Variants in KCND2 observed in about 807,000 individuals in gnomAD.
The protein encoded by KCND2 is potassium voltage-gated channel subfamily D member 2, also known as A-type voltage-gated potassium channel KCND2.
Under a neutral mutation model 54.4 loss-of-function variants are expected in KCND2, and 16 were observed. That is an observed-to-expected ratio of 0.29 (90% confidence interval 0.20 to 0.45). The LOEUF is 0.45. Ranked by LOEUF, KCND2 falls within the 20% of genes least tolerant of loss-of-function variation. The probability of loss-of-function intolerance (pLI) is 1.00; values close to 1 mark genes in which losing one functional copy is unlikely to be tolerated. For missense variants in KCND2, 486 were observed against 824.2 expected (o/e 0.59, Z 5.02); for synonymous variants, 317 against 310.7 (o/e 1.02, Z -0.21).
At chr7:120,666,276 G>T (rs1791925989) in intron 1 of KCND2, among the ~76,000 whole-genome samples, 1 of 151,944 alleles carries the variant, frequency 6.6e-6, no homozygotes, top group African/African-American at 2.4e-5. Flanking sequence ...TGAAAAGCAG[G>T]AATAAAGAGA....
intron 1 of KCND2, among the ~76,000 whole-genome samples, chr7:120,499,705 A>G (rs747251600): frequency 5.3e-5 from 8 of 152,172 alleles, no homozygotes; most frequent in Non-Finnish European, 8.8e-5. Context: ...AAGATCCAGC[A>G]TACATGTCAT....
chr7:120,523,726 GTGTGTGTGTGTGTGTGTGTGTA>G (rs1040316031), intron 1 of KCND2, among the ~76,000 whole-genome samples: 4 of 147,198 alleles, frequency 2.7e-5, no homozygotes, highest in African/African-American at 1.0e-4. Context: ...GTGTGTGTGT[GTGTGTGTGTGTGTGTGTGTGTA>G]TGTCTTTGGC....
chr7:120,594,135 A>G (rs990575035), intron 1 of KCND2, among the ~76,000 whole-genome samples: 2 of 152,178 alleles, frequency 1.3e-5, no homozygotes, highest in Admixed American at 1.3e-4. Flanking sequence ...CATCTGATAA[A>G]CTCTTTTCAA....
chr7:120,291,895 A>G (rs981032873), intron 1 of KCND2, among the ~76,000 whole-genome samples: 5 of 151,918 alleles, frequency 3.3e-5, no homozygotes, highest in African/African-American at 1.2e-4. Context: ...TTGCAATGAC[A>G]TTTGAACCTG....
At chr7:120,639,408 A>G (rs1469197467) in intron 1 of KCND2, among the ~76,000 whole-genome samples, 1 of 152,174 alleles carries the variant, frequency 6.6e-6, no homozygotes, top group Non-Finnish European at 1.5e-5. Context: ...GGTTTCCTCC[A>G]AAAGACATGA....
chr7:120,618,833 T>C (rs1032712949), intron 1 of KCND2, among the ~76,000 whole-genome samples: 3 of 152,172 alleles, frequency 2.0e-5, no homozygotes, highest in Non-Finnish European at 4.4e-5. Flanking sequence ...TTTTTAAATT[T>C]TTTTCAATTT....
intron 1 of KCND2, among the ~76,000 whole-genome samples, chr7:120,606,190 C>G (rs1362014236): frequency 3.3e-5 from 5 of 152,112 alleles, no homozygotes. Context: ...TCTCAAGTGG[C>G]AGTATGAAAA....
At chr7:120,542,759 A>T (rs1791994465) in intron 1 of KCND2, among the ~76,000 whole-genome samples, 1 of 152,174 alleles carries the variant, frequency 6.6e-6, no homozygotes, top group South Asian at 2.1e-4. Flanking sequence ...ACCTGAGCAC[A>T]TGGCTTGGAA....
chr7:120,582,942 C>G lies in KCND2; in HGVS notation c.1116-149961C>G, dbSNP rs902842272. 3.1e-3 allele frequency among the ~76,000 whole-genome samples: 390 copies of G among 125,120 alleles called. 3 individuals are homozygous for G. The highest frequency in any genetic ancestry group is 0.01 in the African/African-American group (367 of 36,172). 82.1% of individuals were successfully genotyped at this position (125,120 alleles called of 152,430 possible). ...CTCATCCTATCTGGTTTGCATTGCTCTGTGTGTGTGTATGTGTGTGTGTGT... is the reference window on the plus strand; with the variant it reads ...CTCATCCTATCTGGTTTGCATTGCTGTGTGTGTGTGTATGTGTGTGTGTGT... On this transcript the variant is annotated intron_variant, in intron 1 of 5. Transcript: ENST00000331113.
At chr7:120,360,976 A>T (rs1377310999) in intron 1 of KCND2, among the ~76,000 whole-genome samples, 1 of 152,140 alleles carries the variant, frequency 6.6e-6, no homozygotes, top group Non-Finnish European at 1.5e-5. Flanking sequence ...GCAATATAGT[A>T]TATATTTGTT....
At chr7:120,644,300 A>G (rs1169261334) in intron 1 of KCND2, among the ~76,000 whole-genome samples, 1 of 152,150 alleles carries the variant, frequency 6.6e-6, no homozygotes, top group Non-Finnish European at 1.5e-5. Flanking sequence ...CTGGTCTCAT[A>G]CTAGAACTCA....
At chr7:120,347,111 T>C (rs1288813294) in intron 1 of KCND2, among the ~76,000 whole-genome samples, 1 of 152,166 alleles carries the variant, frequency 6.6e-6, no homozygotes, top group Non-Finnish European at 1.5e-5. Flanking sequence ...CTTCACGCTG[T>C]TTTGAATAAG....
At chr7:120,689,728 T>C (rs1451300016) in intron 1 of KCND2, among the ~76,000 whole-genome samples, 2 of 152,234 alleles carry the variant, frequency 1.3e-5, no homozygotes, top group Non-Finnish European at 2.9e-5. Flanking sequence ...GCCCAGTTCC[T>C]TTTGCAGTCC....
chr7:120,564,900 C>T (rs1004573168), intron 1 of KCND2, among the ~76,000 whole-genome samples: 1 of 152,266 alleles, frequency 6.6e-6, no homozygotes, highest in East Asian at 1.9e-4. Flanking sequence ...AGTATCCTCT[C>T]CATGAAATAT....
intron 1 of KCND2, among the ~76,000 whole-genome samples, chr7:120,604,947 C>A (rs1158595748): frequency 6.6e-6 from 1 of 152,138 alleles, no homozygotes; most frequent in Admixed American, 6.5e-5. Flanking sequence ...TTGTAATTTT[C>A]TCCTCTCCTG....
At chr7:120,282,123 T>C (rs1243602954) in intron 1 of KCND2, among the ~76,000 whole-genome samples, 1 of 152,126 alleles carries the variant, frequency 6.6e-6, no homozygotes, top group East Asian at 1.9e-4. Flanking sequence ...AGATGCTTCA[T>C]GATATAGGTG....
chr7:120,502,514 C>G (rs1802951461), intron 1 of KCND2, among the ~76,000 whole-genome samples: 1 of 152,062 alleles, frequency 6.6e-6, no homozygotes, highest in Non-Finnish European at 1.5e-5. Flanking sequence ...GAAAGTTTCT[C>G]TAGTCTAGTT....
intron 1 of KCND2, among the ~76,000 whole-genome samples, chr7:120,689,419 T>C (rs1466680500): frequency 6.6e-6 from 1 of 152,164 alleles, no homozygotes; most frequent in South Asian, 2.1e-4. Flanking sequence ...AGTAAAATGG[T>C]TCCATCTCAA....
chr7:120,359,325 G>A (rs73431961), intron 1 of KCND2, among the ~76,000 whole-genome samples: 1,706 of 152,118 alleles, frequency 0.011, 38 homozygotes, highest in African/African-American at 0.039. Flanking sequence ...ATGTGAGGAA[G>A]GAAATTGTTA....
Sources: gnomAD v4.1 joint callset for allele counts (sites outside exome capture counted in the v4.1 genomes callset) on GRCh38, gnomAD v4.1.1 for gene constraint, MANE v1.5 for transcripts, NCBI Gene and HGNC (gene_info 2026-07-23, HGNC 2026-07-21) for gene names.